Variants in IFI35 observed in about 807,000 individuals in gnomAD.
IFI35 encodes interferon induced protein 35.
Under a neutral mutation model 28.6 loss-of-function variants are expected in IFI35, and 30 were observed. The observed-to-expected ratio is 1.05, with a 90% CI of 0.79 to 1.43. The LOEUF (loss-of-function observed/expected upper bound fraction) is 1.43. Ranked by LOEUF, IFI35 falls within the 40% of genes most tolerant of loss-of-function variation. The pLI, the probability that IFI35 is intolerant of heterozygous loss-of-function variation, is 0.00. For synonymous variants in IFI35, 146 were observed against 154.8 expected (o/e 0.94, Z 0.42); for missense variants, 372 against 356.9 (o/e 1.04, Z -0.34).
At chr17:43,012,333 G>C (rs1020204901) in intron 2 of IFI35, 56 bp downstream of exon 2, 3 of 1,322,438 alleles carry the variant, frequency 2.3e-6, no homozygotes, top group Admixed American at 4.0e-5. Flanking sequence ...GGCCGGGTGC[G>C]GTGGCTCACA....
rs759535040 is a variant in IFI35, at chr17:43,013,483, G to A, written c.383G>A (p.Ser128Asn). 6 of 1,613,822 alleles carry A rather than the reference G, an allele frequency of 3.7e-6. No individual in the cohort carries two copies. The highest frequency in any genetic ancestry group is 1.6e-4 in the Middle Eastern group (1 of 6,084). The change falls in exon 5 of 7, where the codon AGC becomes AAC. Residue 128 changes from serine (S) to asparagine (N), a missense_variant. Physicochemically the swap from Ser to Asn is conservative, Grantham distance 46 (BLOSUM62 1). Coordinates refer to ENST00000415816, the MANE Select transcript of IFI35 (RefSeq NM_001330230.2). ...LPMVTTIQMS[S>N]QLSGRRVLVT... ...CTTGCTGTCTCCCCCTAGATGTCCA[G>A]CCAGTTGAGTGGCCGGAGGGTGTTG... is the stretch of plus-strand genomic sequence containing the variant.
In IFI35 at chr17:43,012,246, G is replaced by T; in HGVS notation, c.89G>T (p.Arg30Ile). 6.3e-7 allele frequency: 1 copy of T among 1,578,382 alleles called. No homozygotes were observed. The highest frequency in any genetic ancestry group is 8.6e-7 in the Non-Finnish European group (1 of 1,161,696). Residue 30 changes from arginine (R) to isoleucine (I), a missense_variant, in exon 2 of 7, where the codon AGA becomes ATA. Transcript: ENST00000415816. ...AGGCTGTGGGACCTGCAGCAGCTGA[G>T]AAAGGAGCTCGGGGACTCCCCCAAA... ...KMRLWDLQQL[R>I]KELGDSPKDK...
intron 1 of IFI35, among the ~76,000 whole-genome samples, chr17:43,009,296 G>A (rs2050436605): frequency 6.6e-6 from 1 of 152,090 alleles, no homozygotes; most frequent in African/African-American, 2.4e-5. Flanking sequence ...ACAACAACCT[G>A]CCCAGATTTT....
intron 1 of IFI35, among the ~76,000 whole-genome samples, chr17:43,010,374 C>A (rs1428986516): frequency 6.6e-6 from 1 of 152,194 alleles, no homozygotes; most frequent in Non-Finnish European, 1.5e-5. Context: ...GCCTGGGTGG[C>A]ATTGAGACTT....
At chr17:43,013,909 G>A (rs377160882) in intron 6 of IFI35, 27 bp downstream of exon 6, 106 of 1,504,736 alleles carry the variant, frequency 7.0e-5, no homozygotes, top group Non-Finnish European at 9.1e-5. Flanking sequence ...AAGAACAGGG[G>A]CTGGGCTGGG....
intron 1 of IFI35, among the ~76,000 whole-genome samples, chr17:43,007,819 GTCTC>G (rs1344787730): frequency 8.3e-6 from 1 of 121,066 alleles, no homozygotes; most frequent in African/African-American, 3.4e-5. Context: ...GAGGGAGACT[GTCTC>G]TCACACACAC....
intron 2 of IFI35, chr17:43,012,656 A>T: frequency 4.2e-6 from 1 of 239,414 alleles, no homozygotes. Context: ...AATTGCTTGA[A>T]CCTGGGAAGT....
chr17:43,012,150 A>C, intron 1 of IFI35, 29 bp from the exon 2 acceptor site: 6 of 1,486,648 alleles, frequency 4.0e-6, no homozygotes, highest in Non-Finnish European at 5.5e-6. Flanking sequence ...GGCGGGTAGA[A>C]GTCTTGTTGT....
intron 1 of IFI35, among the ~76,000 whole-genome samples, chr17:43,010,178 T>C (rs1244905755): frequency 6.7e-6 from 1 of 148,780 alleles, no homozygotes; most frequent in Non-Finnish European, 1.5e-5. Flanking sequence ...AAGCTTGCAG[T>C]GAGCAGAGAT....
rs1597780493 is a variant in IFI35, at chr17:43,013,132, A to G, written c.206A>G (p.Asn69Ser). 3.7e-6 allele frequency: 6 copies of G among 1,613,824 alleles called. No homozygotes were observed. The highest frequency in any genetic ancestry group is 2.2e-5 in the East Asian group (1 of 44,838). The change falls in exon 3 of 7, where the codon AAT becomes AGT. Residue 69 changes from asparagine (N) to serine (S), a missense_variant. Transcript: ENST00000415816. ...DPEVPKSLVSNLRIHCPLLAG... is the reference protein window; with the variant it reads ...DPEVPKSLVSSLRIHCPLLAG... Reference sequence around the variant, plus strand: ...GAAGTGCCTAAGTCTTTAGTTTCCAATTTGCGGATCCACTGCCCTCTGCTT... The same window carrying G: ...GAAGTGCCTAAGTCTTTAGTTTCCAGTTTGCGGATCCACTGCCCTCTGCTT...
At chr17:43,009,702 G>A (rs991912681) in intron 1 of IFI35, among the ~76,000 whole-genome samples, 25 of 152,020 alleles carry the variant, frequency 1.6e-4, no homozygotes, top group African/African-American at 5.3e-4. Context: ...GCAGTGAGCC[G>A]AGATCCTGCC....
At position 43,012,176 on chromosome 17, in the gene IFI35, C is replaced by T; in HGVS notation, c.22-3C>T. 10 of 1,555,906 alleles carry T rather than the reference C, an allele frequency of 6.4e-6. No individual in the cohort carries two copies. Among genetic ancestry groups the T allele is most frequent in the Non-Finnish European group, 8.7e-6 (10 of 1,149,572 alleles). ...GTCTTGTTGTTTCCTTCTGCCCCAA[C>T]AGGCCCTCCACGCCCTTCAGGAGGA... On this transcript the variant is annotated splice_polypyrimidine_tract_variant and splice_region_variant and intron_variant, in intron 1 of 6. Coordinates refer to ENST00000415816, the MANE Select transcript of IFI35 (RefSeq NM_001330230.2).
At chr17:43,008,979 T>C (rs1445830096) in intron 1 of IFI35, among the ~76,000 whole-genome samples, 1 of 151,884 alleles carries the variant, frequency 6.6e-6, no homozygotes, top group Non-Finnish European at 1.5e-5. Flanking sequence ...TTGGGCCATC[T>C]TTTTCAAATA....
chr17:43,014,032 G>A, intron 6 of IFI35, 76 bp from the exon 7 acceptor site: 1 of 1,445,638 alleles, frequency 6.9e-7, no homozygotes. Context: ...ATACCCCCAT[G>A]GGGCACTGCC....
Position 43,013,756 on chromosome 17 carries a change from C to G in IFI35, c.563-20C>G. The G allele has an allele frequency of 6.2e-7, 1 of 1,610,196 alleles. No individual in the cohort carries two copies. The highest frequency in any genetic ancestry group is 1.1e-5 in the South Asian group (1 of 91,026). On this transcript the variant is annotated intron_variant, in intron 5 of 6. Transcript: ENST00000415816. The stretch of plus-strand genomic sequence containing the variant: ...GAGAGGGCTTGATGCTAAAGGCCCA[C>G]CCCTCCTTGCTCCCCACAGTGGCTC...
At chr17:43,009,818 A>C (rs925582207) in intron 1 of IFI35, among the ~76,000 whole-genome samples, 2 of 152,172 alleles carry the variant, frequency 1.3e-5, no homozygotes, top group Non-Finnish European at 2.9e-5. Context: ...CTGTAATCCC[A>C]GCTACTTGGG....
Position 43,014,185 on chromosome 17 carries a change from C to G in IFI35, c.747C>G (p.Asp249Glu), listed in dbSNP as rs751620948. 7 of 1,613,970 alleles carry G rather than the reference C, an allele frequency of 4.3e-6. No individual in the cohort carries two copies. The highest frequency in any genetic ancestry group is 5.1e-6 in the Non-Finnish European group (6 of 1,179,898). ...TCTTGGATGGCCCGGAGCTGCATGA[C>G]GTCCTGGAGATCCACTTCCAGAAGC... ...PDILDGPELH[D>E]VLEIHFQKPT... Residue 249 changes from aspartate to glutamate, a missense_variant, in exon 7 of 7, where the codon GAC becomes GAG. Asp to Glu is a conservative substitution (Grantham distance 45, BLOSUM62 2). Coordinates refer to ENST00000415816, the MANE Select transcript of IFI35 (RefSeq NM_001330230.2).
intron 1 of IFI35, among the ~76,000 whole-genome samples, chr17:43,009,026 C>T (rs1163667180): frequency 6.6e-6 from 1 of 151,978 alleles, no homozygotes; most frequent in African/African-American, 2.4e-5. Flanking sequence ...GACAAGATCT[C>T]ACTGTTTTTT....
chr17:43,013,281 C>T lies in IFI35; in HGVS notation c.283C>T (p.Leu95=), dbSNP rs1353186443. 1 of 1,614,148 alleles carries T rather than the reference C, an allele frequency of 6.2e-7. No individual in the cohort carries two copies. Among genetic ancestry groups the T allele is most frequent in the Non-Finnish European group, 8.5e-7 (1 of 1,180,012 alleles). Residue 95 remains leucine, a synonymous_variant, in exon 4 of 7, where the codon CTG becomes TTG. Transcript: ENST00000415816. The stretch of plus-strand genomic sequence containing the variant: ...CCACCACCCAGTGGCTGAGCAGGTG[C>T]TGCAACAAAAGGAGCACACGATCAA... ...FDDPKVAEQV[L]QQKEHTINME...
Sources: allele counts gnomAD v4.1 joint callset (sites outside exome capture counted in the v4.1 genomes callset), GRCh38; gene constraint gnomAD v4.1.1; transcripts MANE v1.5; gene names NCBI Gene and HGNC (gene_info 2026-07-23, HGNC 2026-07-21).